DCDC2C: variants seen among roughly 807,000 people sequenced by gnomAD.
The protein encoded by DCDC2C is doublecortin domain containing 2C.
Under a neutral mutation model 45.0 loss-of-function variants are expected in DCDC2C, and 44 were observed. The ratio of observed to expected loss-of-function variants is 0.98; its 90% CI spans 0.77 to 1.26. The LOEUF (loss-of-function observed/expected upper bound fraction) is 1.26. DCDC2C is among the 50% of genes most tolerant of loss of function. The pLI is 0.00. For synonymous variants in DCDC2C, 187 were observed against 178.8 expected (o/e 1.05, Z -0.37); for missense variants, 447 against 468.9 (o/e 0.95, Z 0.43).
chr2:3,788,520 C>T (rs1670715317), intron 10 of DCDC2C: 1 of 152,052 alleles, frequency 6.6e-6, no homozygotes, highest in Admixed American at 6.6e-5. Context: ...CATTTTTTCC[C>T]CCCAAAGGCT....
intron 6 of DCDC2C, 125 bp from the exon 7 acceptor site, chr2:3,767,629 C>G (rs572284633): frequency 2.7e-5 from 29 of 1,072,658 alleles, no homozygotes; most frequent in Non-Finnish European, 3.4e-5. Context: ...CTTGGAGGTG[C>G]CTGAGTTTCC....
chr2:3,834,645 G>T (rs1214611671), intron 10 of DCDC2C, among the ~76,000 whole-genome samples: 1 of 152,204 alleles, frequency 6.6e-6, no homozygotes, highest in Non-Finnish European at 1.5e-5. Flanking sequence ...TTTCCATGAA[G>T]ATCTGTAACT....
intron 10 of DCDC2C, among the ~76,000 whole-genome samples, chr2:3,798,189 CA>C (rs1470363013): frequency 6.6e-6 from 1 of 152,060 alleles, no homozygotes; most frequent in African/African-American, 2.4e-5. Flanking sequence ...ACTAGGATTG[CA>C]ACCCCTGCCT....
chr2:3,776,343 T>G (rs73146803), intron 8 of DCDC2C, among the ~76,000 whole-genome samples: 2,670 of 152,260 alleles, frequency 0.018, 78 homozygotes, highest in African/African-American at 0.061. Flanking sequence ...TGGTGTCTCC[T>G]CACTTTCTCC....
chr2:3,777,538 T>C (rs1432185004), intron 8 of DCDC2C, among the ~76,000 whole-genome samples: 1 of 152,224 alleles, frequency 6.6e-6, no homozygotes, highest in Non-Finnish European at 1.5e-5. Context: ...ATGTTTTTGA[T>C]TGACATTATG....
rs1327582865 is a variant in DCDC2C at position 3,704,704 on chromosome 2, GGGGGAGGGGGGAGGGGCGT to G, written c.287+671_287+689del. Reference sequence around the variant, plus strand: ...GGGGCGTGGGGAGGAGTGTAGGGGAGGGGGAGGGGGGAGGGGCGTGGGGGGGAGGGGCGTGGGGGGCAGG... The same window carrying G: ...GGGGCGTGGGGAGGAGTGTAGGGGAGGGGGGGGAGGGGCGTGGGGGGCAGG... On this transcript the variant is annotated intron_variant, in intron 1 of 10. Transcript: ENST00000399143. Among the ~76,000 whole-genome samples the G allele has an allele frequency of 4.6e-4, 17 of 36,812 alleles. 1 individual carries two copies. Among genetic ancestry groups the G allele is most frequent in the African/African-American group, 2.2e-3 (16 of 7,342 alleles). The allele number at this position is 36,812 out of a possible 152,430, so 24.2% of individuals were successfully genotyped here.
At chr2:3,712,547 G>A (rs1252944425) in intron 2 of DCDC2C, among the ~76,000 whole-genome samples, 1 of 151,884 alleles carries the variant, frequency 6.6e-6, no homozygotes, top group Non-Finnish European at 1.5e-5. Context: ...GAGGCGGGAG[G>A]ATCACTTGAG....
At chr2:3,774,117 C>T (rs1221429176) in intron 8 of DCDC2C, among the ~76,000 whole-genome samples, 5 of 152,202 alleles carry the variant, frequency 3.3e-5, no homozygotes, top group Admixed American at 1.3e-4. Context: ...GAAGGTCAAT[C>T]TAAACTTGGG....
At chr2:3,754,954 C>G (rs1669646478) in intron 6 of DCDC2C, among the ~76,000 whole-genome samples, 1 of 152,182 alleles carries the variant, frequency 6.6e-6, no homozygotes, top group South Asian at 2.1e-4. Flanking sequence ...GTAACTGACT[C>G]AAGCTTGGCA....
chr2:3,842,527 GC>G (rs1416580478), intron 10 of DCDC2C, among the ~76,000 whole-genome samples: 1 of 150,756 alleles, frequency 6.6e-6, no homozygotes, highest in East Asian at 2.0e-4. Flanking sequence ...GGCAGTTGGA[GC>G]AAAAAGTGAA....
chr2:3,796,907 T>A (rs950870095), intron 10 of DCDC2C, among the ~76,000 whole-genome samples: 1 of 152,204 alleles, frequency 6.6e-6, no homozygotes, highest in African/African-American at 2.4e-5. Context: ...GAGGATTCCC[T>A]CTTTTTCTAT....
At chr2:3,750,824 T>C (rs929484603) in intron 4 of DCDC2C, among the ~76,000 whole-genome samples, 1 of 152,222 alleles carries the variant, frequency 6.6e-6, no homozygotes, top group African/African-American at 2.4e-5. Context: ...CCACTCTTAC[T>C]GTAACTTCCT....
At chr2:3,749,880 AC>A (rs1669487398) in intron 4 of DCDC2C, among the ~76,000 whole-genome samples, 1 of 152,076 alleles carries the variant, frequency 6.6e-6, no homozygotes, top group Non-Finnish European at 1.5e-5. Context: ...TTCCTGCAAG[AC>A]CCCTGCTGCT....
At chr2:3,808,802 G>T (rs1191889321) in intron 10 of DCDC2C, among the ~76,000 whole-genome samples, 1 of 152,106 alleles carries the variant, frequency 6.6e-6, no homozygotes, top group Non-Finnish European at 1.5e-5. Context: ...TGCCTTTTGT[G>T]TCCTTTCTAA....
At chr2:3,755,845 TG>T (rs1669697615) in intron 6 of DCDC2C, among the ~76,000 whole-genome samples, 1 of 124,046 alleles carries the variant, frequency 8.1e-6, no homozygotes, top group Admixed American at 8.6e-5. Flanking sequence ...TGTGTATGTA[TG>T]GATGCATATG....
intron 10 of DCDC2C, among the ~76,000 whole-genome samples, chr2:3,817,381 G>A (rs1429560225): frequency 2.0e-5 from 3 of 152,164 alleles, no homozygotes; most frequent in Admixed American, 6.5e-5. Flanking sequence ...GCATATTTAC[G>A]GTCAGTATAA....
chr2:3,782,729 T>C (rs571291898), intron 9 of DCDC2C, among the ~76,000 whole-genome samples: 6 of 152,316 alleles, frequency 3.9e-5, no homozygotes, highest in South Asian at 2.1e-4. Flanking sequence ...TCCACCCACG[T>C]TGGCCTCCCA....
Position 3,843,250 on chromosome 2 carries a change from A to G in DCDC2C, c.1066-3904A>G, listed in dbSNP as rs147307496. On this transcript the variant is annotated intron_variant, in intron 10 of 10. Transcript: ENST00000399143. ...AAGTGACAGATTCCTGGGAGTGGAC[A>G]AAATGGACCGCGCTGGGCCACAAAG... 8.0e-3 allele frequency among the ~76,000 whole-genome samples: 1,212 copies of G among 152,302 alleles called. 7 individuals carry two copies. Among genetic ancestry groups the G allele is most frequent in the Non-Finnish European group, 0.012 (802 of 68,024 alleles).
intron 4 of DCDC2C, among the ~76,000 whole-genome samples, chr2:3,750,683 C>T (rs1170678859): frequency 2.6e-5 from 4 of 152,136 alleles, no homozygotes; most frequent in Non-Finnish European, 5.9e-5. Flanking sequence ...GTGTCGCACT[C>T]AGATGTCTGC....
Sources: gnomAD v4.1 joint callset for allele counts (sites outside exome capture counted in the v4.1 genomes callset) on GRCh38, gnomAD v4.1.1 for gene constraint, MANE v1.5 for transcripts, NCBI Gene and HGNC (gene_info 2026-07-23, HGNC 2026-07-21) for gene names.